The following CIP2A variants were observed in gnomAD, a reference collection of about 807,000 sequenced individuals.
CIP2A encodes the protein cellular inhibitor of PP2A.
Under a neutral mutation model 110.9 loss-of-function variants are expected in CIP2A, and 103 were observed. That is an observed-to-expected ratio of 0.93 (90% confidence interval 0.79 to 1.09). CIP2A has a LOEUF of 1.09. Among genes scored for constraint, CIP2A ranks in the 50% least tolerant of loss-of-function variants. CIP2A has a pLI of 0.00. For synonymous variants in CIP2A, 381 were observed against 361.6 expected (o/e 1.05, Z -0.61); for missense variants, 1,088 against 1,038.4 (o/e 1.05, Z -0.66).
rs35935525 is a variant in CIP2A, at chr3:108,589,319, G to A, written c.57C>T (p.Ala19=). ...SLLLTVSQYK[A]VKSEANATQL... The stretch of plus-strand genomic sequence containing the variant: ...GAGTGGCGTTCGCCTCTGACTTCAC[G>A]GCTTTGTACTGACTGACAGTCAGGA... Residue 19 remains alanine (A), a synonymous_variant, in exon 1 of 21, where the codon GCC becomes GCT. Coordinates refer to ENST00000295746, the MANE Select transcript of CIP2A (RefSeq NM_020890.3). 4,062 of 1,614,050 alleles carry A rather than the reference G, an allele frequency of 2.5e-3. 100 individuals carry two copies. The African/African-American group carries it at 0.048, about 19-fold the overall frequency.
At chr3:108,562,841 C>T (rs1276071518) in intron 13 of CIP2A, among the ~76,000 whole-genome samples, 1 of 152,048 alleles carries the variant, frequency 6.6e-6, no homozygotes, top group African/African-American at 2.4e-5. Flanking sequence ...AGGATGTAGG[C>T]TTAAGAGTGT....
rs1251452058 is a variant in CIP2A at position 108,589,382 on chromosome 3, G to C, written c.-7C>G. ...AGCAGGCAGTGGAGTCCATTGCACC[G>C]GCCGCGGCCCGGCTTAGGGACCACC... On this transcript the variant is annotated 5_prime_UTR_variant, in exon 1 of 21. Transcript: ENST00000295746. The C allele has an allele frequency of 8.1e-6, 13 of 1,606,568 alleles. No homozygotes were observed. The highest frequency in any genetic ancestry group is 1.7e-5 in the Admixed American group (1 of 59,544).
At chr3:108,560,976 T>C (rs1261840632) in intron 13 of CIP2A, 135 bp from the exon 14 acceptor site, 7 of 542,704 alleles carry the variant, frequency 1.3e-5, no homozygotes, top group African/African-American at 2.0e-5. Flanking sequence ...TTGGAGACCA[T>C]GATGAAATGA....
At chr3:108,575,661 T>TAC (rs1479778439) in intron 8 of CIP2A, among the ~76,000 whole-genome samples, 1 of 47,700 alleles carries the variant, frequency 2.1e-5, no homozygotes, top group Admixed American at 1.8e-4. Context: ...TGTGTATATA[T>TAC]ACGTGTATAT....
At position 108,559,909 on chromosome 3, in the gene CIP2A, T is replaced by C. The variant is rs772652747; in HGVS notation, c.1903-42A>G. ...CATTAATTTTCATTTTAGGAATACA[T>C]CTATTAAAGCTTATTACACATTGTT... On this transcript the variant is annotated intron_variant, in intron 15 of 20. Coordinates refer to ENST00000295746, the MANE Select transcript of CIP2A (RefSeq NM_020890.3). 7 of 1,578,098 alleles carry C rather than the reference T, an allele frequency of 4.4e-6. No homozygotes were observed. In the East Asian group the frequency reaches 1.1e-4, roughly 25 times the overall value.
intron 2 of CIP2A, 69 bp from the exon 3 acceptor site, chr3:108,583,152 ATTTATTTC>A: frequency 1.3e-6 from 1 of 746,972 alleles, no homozygotes; most frequent in Non-Finnish European, 2.1e-6. Context: ...TTCATACAGA[ATTTATTTC>A]ATATGAATTT....
chr3:108,580,854 C>T (rs1199366189), intron 5 of CIP2A, among the ~76,000 whole-genome samples: 1 of 152,140 alleles, frequency 6.6e-6, no homozygotes, highest in Non-Finnish European at 1.5e-5. Flanking sequence ...TCTCCATCTC[C>T]TGACCTTGTG....
Position 108,575,356 on chromosome 3 carries a change from GTA to G in CIP2A, c.894+913_894+914del, listed in dbSNP as rs1267058896. ...TGTATATATACATATACACACATGT[GTA>G]TATATACATACACATATACATGTAT... On this transcript the variant is annotated intron_variant, in intron 8 of 20. Coordinates refer to ENST00000295746, the MANE Select transcript of CIP2A (RefSeq NM_020890.3). Among the ~76,000 whole-genome samples, 4 of 150,068 alleles carry G rather than the reference GTA, an allele frequency of 2.7e-5. No homozygotes were observed. The South Asian group carries it at 6.3e-4, about 24-fold the overall frequency.
In CIP2A at chr3:108,560,633, C is replaced by T. The variant is rs1334001148; in HGVS notation, c.1827+16G>A. ...GCTAATATGTACCAGGTTATAATTG[C>T]TATTTTTTCACTCACCACCATTCCA... On this transcript the variant is annotated intron_variant, in intron 14 of 20. Transcript: ENST00000295746. 1 of 1,539,354 alleles carries T rather than the reference C, an allele frequency of 6.5e-7. No homozygotes were observed. Among genetic ancestry groups the T allele is most frequent in the East Asian group, 2.3e-5 (1 of 43,918 alleles).
chr3:108,556,702 A>C (rs1174438190), intron 17 of CIP2A, among the ~76,000 whole-genome samples: 2 of 152,214 alleles, frequency 1.3e-5, no homozygotes, highest in African/African-American at 2.4e-5. Context: ...ACATGGAAGT[A>C]AACTATAATC....
intron 16 of CIP2A, among the ~76,000 whole-genome samples, chr3:108,558,755 C>T (rs1937897054): frequency 6.6e-6 from 1 of 152,014 alleles, no homozygotes; most frequent in South Asian, 2.1e-4. Context: ...AATGGTGTTC[C>T]AGACATGGAA....
Position 108,557,410 on chromosome 3 carries a change from C to T in CIP2A, c.2018G>A (p.Arg673Gln), listed in dbSNP as rs200594380. The change falls in exon 17 of 21, where the codon CGG (arginine) becomes CAG (glutamine). Residue 673 changes from arginine (R) to glutamine (Q), a missense_variant. Physicochemically the swap from Arg to Gln is conservative, Grantham distance 43. Coordinates refer to ENST00000295746, the MANE Select transcript of CIP2A (RefSeq NM_020890.3). ...TTCTCTCAACATACTAGCAAGTGTCCGTGCCTCAAAAAAAAAAAGAAGATA... is the reference window on the plus strand; with the variant it reads ...TTCTCTCAACATACTAGCAAGTGTCTGTGCCTCAAAAAAAAAAAGAAGATA... ...CQRTQAETEA[R>Q]TLASMLREVE... is the part of the protein sequence containing the mutation. 31 of 1,573,790 alleles carry T rather than the reference C, an allele frequency of 2.0e-5. No individual in the cohort carries two copies. In the South Asian group the frequency reaches 2.6e-4, roughly 13 times the overall value.
chr3:108,555,842 C>T (rs1322239077), intron 17 of CIP2A, among the ~76,000 whole-genome samples: 2 of 152,174 alleles, frequency 1.3e-5, no homozygotes, highest in Non-Finnish European at 1.5e-5. Flanking sequence ...TCTGTAACTT[C>T]CACTTTCCTG....
At chr3:108,569,673 T>C in intron 8 of CIP2A, 66 bp from the exon 9 acceptor site, 1 of 1,174,976 alleles carries the variant, frequency 8.5e-7, no homozygotes, top group Non-Finnish European at 1.2e-6. Context: ...AGCAAGTGTA[T>C]GATGAAGCTG....
chr3:108,589,417 C>A lies in CIP2A; in HGVS notation c.-42G>T. ...CGGCTTAGGGACCACCACCGCCCAG[C>A]GTGCGCCGGCCTTTAGCTTTCGCCG... On this transcript the variant is annotated 5_prime_UTR_variant, in exon 1 of 21. Transcript: ENST00000295746. 1 of 1,436,914 alleles carries A rather than the reference C, an allele frequency of 7.0e-7. No homozygotes were observed. The highest frequency in any genetic ancestry group is 9.7e-7 in the Non-Finnish European group (1 of 1,032,942). 89.0% of individuals were successfully genotyped at this position (1,436,914 alleles called of 1,614,324 possible).
At chr3:108,568,442 T>C in intron 9 of CIP2A, 128 bp from the exon 10 acceptor site, 2 of 634,064 alleles carry the variant, frequency 3.2e-6, no homozygotes, top group Non-Finnish European at 5.1e-6. Context: ...TTGACCTAAG[T>C]CTCCTGTGAA....
intron 10 of CIP2A, 85 bp from the exon 11 acceptor site, chr3:108,566,723 A>T (rs1938200738): frequency 3.8e-6 from 3 of 790,820 alleles, no homozygotes; most frequent in African/African-American, 3.6e-5. Context: ...TACAAATTAT[A>T]TCATCACTGT....
intron 1 of CIP2A, chr3:108,585,574 C>T (rs901974880): frequency 9.8e-6 from 4 of 408,474 alleles, no homozygotes; most frequent in Non-Finnish European, 1.4e-5. Context: ...CTTCACACTA[C>T]ATTGAACATG....
At position 108,579,523 on chromosome 3, in the gene CIP2A, T is replaced by C. The variant is rs114583486; in HGVS notation, c.672+43A>G. 3,930 of 1,569,136 alleles carry C rather than the reference T, an allele frequency of 2.5e-3. 101 individuals are homozygous for C. In the African/African-American group the frequency reaches 0.048, roughly 19 times the overall value. On this transcript the variant is annotated intron_variant, in intron 6 of 20. Transcript: ENST00000295746. ...AAAAGTCTCAATGACTTTTAAAATATCAGACTATAAACTTCAGAATAAATT... is the reference window on the plus strand; with the variant it reads ...AAAAGTCTCAATGACTTTTAAAATACCAGACTATAAACTTCAGAATAAATT...
Sources: allele counts gnomAD v4.1 joint callset (sites outside exome capture counted in the v4.1 genomes callset), GRCh38; gene constraint gnomAD v4.1.1; transcripts MANE v1.5; gene names NCBI Gene and HGNC (gene_info 2026-07-23, HGNC 2026-07-21).